Variants in TRPM5 observed in about 807,000 individuals in gnomAD.
TRPM5 encodes the protein transient receptor potential cation channel subfamily M member 5.
A neutral mutation model predicts 124.9 loss-of-function variants in TRPM5; 121 were observed. The observed-to-expected ratio is 0.97, with a 90% CI of 0.84 to 1.13. The LOEUF is 1.13. Ranked by LOEUF, TRPM5 falls within the 50% of genes most tolerant of loss-of-function variation. TRPM5 has a pLI of 0.00. For synonymous variants in TRPM5, 781 were observed against 700.5 expected, an observed-to-expected ratio of 1.11 and a Z score of -1.81; for missense variants, 1,643 against 1,589.1, an observed-to-expected ratio of 1.03 and a Z score of -0.58.
exon 10 of TRPM5, chr11:2,415,026 G>A: frequency 6.2e-7 from 1 of 1,602,762 alleles, no homozygotes; most frequent in Non-Finnish European, 8.5e-7. Flanking sequence ...TGGCCCGTGG[G>A]CCGCTTGGCC....
upstream of TRPM5, among the ~76,000 whole-genome samples, chr11:2,426,183 G>C (rs182179349): frequency 1.3e-5 from 2 of 152,142 alleles, no homozygotes; most frequent in African/African-American, 2.4e-5. Flanking sequence ...TCCCGAGGAC[G>C]GGACAGAGCT....
At chr11:2,427,476 T>A (rs1166916773), upstream of TRPM5, among the ~76,000 whole-genome samples, 2 of 152,176 alleles carry the variant, frequency 1.3e-5, no homozygotes, top group Non-Finnish European at 2.9e-5. Context: ...GGGCAGCCAA[T>A]GCCAGCCCTA....
intron 18 of TRPM5, 57 bp from the exon 24 acceptor site, chr11:2,407,969 A>G: frequency 1.3e-6 from 2 of 1,591,028 alleles, no homozygotes; most frequent in Non-Finnish European, 1.7e-6. Flanking sequence ...GGGCGGCCTT[A>G]GGCAAATGCC....
chr11:2,429,920 T>C, the TRPM5 span, among the ~76,000 whole-genome samples: 5 of 152,088 alleles, frequency 3.3e-5, no homozygotes, highest in Non-Finnish European at 7.4e-5. The surrounding 1 kb of genome is among the most constrained non-coding windows in gnomAD (Gnocchi z 8.4). Flanking sequence ...CTGATGGTTT[T>C]ATAAGCATCT....
intron 7 of TRPM5, among the ~76,000 whole-genome samples, chr11:2,417,233 C>T (rs937282269): frequency 3.1e-4 from 47 of 152,232 alleles, no homozygotes; most frequent in African/African-American, 1.1e-3. Context: ...AGGCGGATCA[C>T]GAGGTCAGGA....
intron 18 of TRPM5, chr11:2,410,730 GGGTCGGC>G: frequency 2.2e-6 from 1 of 454,978 alleles, no homozygotes; most frequent in Non-Finnish European, 4.4e-6. Flanking sequence ...CCAGCTACAG[GGGTCGGC>G]CTGGGGACAC....
upstream of TRPM5, among the ~76,000 whole-genome samples, chr11:2,427,347 A>G (rs1038399244): frequency 3.9e-5 from 6 of 152,134 alleles, no homozygotes; most frequent in African/African-American, 1.4e-4. Flanking sequence ...CAGCACCCTG[A>G]CACGCGGCTG....
intron 18 of TRPM5, among the ~76,000 whole-genome samples, chr11:2,408,577 C>T (rs779423008): frequency 4.3e-4 from 65 of 152,330 alleles, no homozygotes; most frequent in Non-Finnish European, 7.9e-4. Context: ...TGAGCTCCCT[C>T]GGCCCTGGGC....
intron 8 of TRPM5, 28 bp from the exon 14 acceptor site, chr11:2,415,499 G>T (rs1281211163): frequency 6.8e-7 from 1 of 1,473,738 alleles, no homozygotes; most frequent in African/African-American, 1.4e-5. Flanking sequence ...CCCGAGGGAA[G>T]GGGGACAAGA....
In TRPM5 at chr11:2,405,012, C is replaced by G. The variant is rs1053195673; in HGVS notation, c.3423G>C (p.Leu1141=). The stretch of plus-strand genomic sequence containing the variant: ...AACCACCTCTGTGGTCAGCAGCCAC[C>G]AGCTGGCTTCCCTCGCCACAGTGCT... The change falls in exon 24 of 24, where the codon CTG becomes CTC. Residue 1141 remains leucine, a synonymous_variant. Transcript: ENST00000155858. 1.9e-6 allele frequency: 3 copies of G among 1,612,694 alleles called. No homozygotes were observed. In the African/African-American group the frequency reaches 4.0e-5, roughly 22 times the overall value.
intron 13 of TRPM5, 32 bp from the exon 19 acceptor site, chr11:2,413,258 G>A: frequency 6.6e-7 from 1 of 1,505,884 alleles, no homozygotes; most frequent in Non-Finnish European, 8.9e-7. Flanking sequence ...GGGCCCGCAG[G>A]AAGGGCTCCC....
chr11:2,432,539 G>A, the TRPM5 span, among the ~76,000 whole-genome samples: 4 of 152,224 alleles, frequency 2.6e-5, no homozygotes, highest in African/African-American at 7.2e-5. Context: ...CCAGGAGAGC[G>A]TGAGCCGTCC....
chr11:2,417,179 C>T (rs1033177554), intron 7 of TRPM5, among the ~76,000 whole-genome samples: 4 of 152,172 alleles, frequency 2.6e-5, no homozygotes, highest in East Asian at 3.9e-4. Flanking sequence ...TTGGCTAGTG[C>T]GGTGGCTCAC....
At chr11:2,414,009 G>GGGCGCCCCCCCCCCCC in intron 12 of TRPM5, 52 bp downstream of exon 17, 21 of 1,023,716 alleles carry the variant, frequency 2.1e-5, no homozygotes, top group East Asian at 1.1e-4. Flanking sequence ...GGCCCAGCTC[G>GGGCGCCCCCCCCCCCC]CCCGCCCACC....
At chr11:2,444,127 C>T in the TRPM5 span, among the ~76,000 whole-genome samples, 1 of 152,180 alleles carries the variant, frequency 6.6e-6, no homozygotes, top group Non-Finnish European at 1.5e-5. Context: ...CTGCCGGCTC[C>T]CCACCCACAC....
At chr11:2,420,125 C>T in intron 4 of TRPM5, 97 bp downstream of exon 9, 1 of 1,407,090 alleles carries the variant, frequency 7.1e-7, no homozygotes, top group Admixed American at 2.1e-5. Context: ...GAAGCCCTCC[C>T]CCTTCTCCCT....
At chr11:2,429,486 T>TGA in the TRPM5 span, among the ~76,000 whole-genome samples, 2 of 149,566 alleles carry the variant, frequency 1.3e-5, no homozygotes, top group African/African-American at 5.0e-5. This position sits in a 1 kb window ranked among gnomAD's most constrained non-coding sequence, Gnocchi z 8.4. Context: ...TGGTGATGAT[T>TGA]GTACTGGTGG....
Position 2,407,317 on chromosome 11 carries a change from G to A in TRPM5, c.2937-17C>T, listed in dbSNP as rs766365530. 7 of 1,599,986 alleles carry A rather than the reference G, an allele frequency of 4.4e-6. No individual in the cohort carries two copies. In the African/African-American group the frequency reaches 9.4e-5, roughly 22 times the overall value. On this transcript the variant is annotated splice_polypyrimidine_tract_variant and intron_variant, in intron 19 of 23. Coordinates refer to ENST00000155858, the Ensembl canonical transcript of TRPM5. ...AACGTGTAGCTGCAGGGGCACAGCTGAGCCGTCACCTACCGGCTCCCCACG... is the reference window on the plus strand; with the variant it reads ...AACGTGTAGCTGCAGGGGCACAGCTAAGCCGTCACCTACCGGCTCCCCACG...
the TRPM5 span, among the ~76,000 whole-genome samples, chr11:2,430,698 G>A: frequency 7.9e-5 from 12 of 151,246 alleles, no homozygotes; most frequent in Admixed American, 5.3e-4. Context: ...GGTGATGGAG[G>A]CGGTGTTGGT....
Sources: allele counts gnomAD v4.1 joint callset (sites outside exome capture counted in the v4.1 genomes callset), GRCh38; gene constraint gnomAD v4.1.1; non-coding constraint Gnocchi (gnomAD v3.1); transcripts MANE v1.5; gene names NCBI Gene and HGNC (gene_info 2026-07-23, HGNC 2026-07-21).